ENOX1: variants seen among roughly 807,000 people sequenced by gnomAD.
ENOX1 encodes ecto-NOX disulfide-thiol exchanger 1, also known as candidate growth-related and time keeping constitutive hydroquinone (NADH) oxidase.
In ENOX1, 42 loss-of-function variants were observed where a neutral mutation model predicts 82.5. The observed-to-expected ratio is 0.51, with a 90% confidence interval of 0.40 to 0.66. ENOX1 has a LOEUF of 0.66. ENOX1 is among the 30% of genes least tolerant of loss of function. The pLI, the probability that ENOX1 is intolerant of heterozygous loss-of-function variation, is 0.00. For missense variants in ENOX1, 608 were observed against 811.6 expected, an observed-to-expected ratio of 0.75 and a Z score of 3.05; for synonymous variants, 271 against 282.2, an observed-to-expected ratio of 0.96 and a Z score of 0.40.
intron 5 of ENOX1, among the ~76,000 whole-genome samples, chr13:43,385,724 CACATTCGTTTAT>C (rs2052367666): frequency 6.6e-6 from 1 of 152,084 alleles, no homozygotes; most frequent in East Asian, 1.9e-4. Context: ...TAGGATTAAA[CACATTCGTTTAT>C]ACATTTGTAG....
chr13:43,661,059 T>C (rs542739410), intron 2 of ENOX1, among the ~76,000 whole-genome samples: 22 of 152,336 alleles, frequency 1.4e-4, no homozygotes, highest in African/African-American at 5.3e-4. Context: ...TTTTTCGTGA[T>C]GTTCAGGTTT....
chr13:43,721,213 T>C (rs1479554336), intron 1 of ENOX1, among the ~76,000 whole-genome samples: 3 of 152,118 alleles, frequency 2.0e-5, no homozygotes, highest in Non-Finnish European at 4.4e-5. Context: ...CCCTTATACT[T>C]ACATTTAAAA....
At chr13:43,535,913 C>T (rs1189567052) in intron 2 of ENOX1, among the ~76,000 whole-genome samples, 1 of 152,152 alleles carries the variant, frequency 6.6e-6, no homozygotes, top group Non-Finnish European at 1.5e-5. Flanking sequence ...GTAAGAATGA[C>T]TGCAGCGTCA....
At chr13:43,227,161 C>T (rs1052983259) in intron 15 of ENOX1, among the ~76,000 whole-genome samples, 13 of 152,014 alleles carry the variant, frequency 8.6e-5, no homozygotes, top group African/African-American at 3.1e-4. Flanking sequence ...TAACCCTTAG[C>T]CTAGGAGACG....
At chr13:43,243,173 C>T (rs1460157193) in intron 14 of ENOX1, among the ~76,000 whole-genome samples, 2 of 150,788 alleles carry the variant, frequency 1.3e-5, no homozygotes, top group African/African-American at 2.4e-5. Context: ...GAGTCCAGGT[C>T]CTTCCTAATG....
chr13:43,556,478 C>T (rs2079441616), intron 2 of ENOX1, among the ~76,000 whole-genome samples: 1 of 151,898 alleles, frequency 6.6e-6, no homozygotes, highest in Non-Finnish European at 1.5e-5. Flanking sequence ...AATTACTCTA[C>T]TGTAGATCTC....
intron 14 of ENOX1, among the ~76,000 whole-genome samples, chr13:43,240,024 T>G (rs1366430618): frequency 6.6e-6 from 1 of 152,008 alleles, no homozygotes; most frequent in African/African-American, 2.4e-5. Flanking sequence ...CCCTCTCTCT[T>G]TGTTTTTATT....
chr13:43,491,428 C>A (rs964914804), intron 2 of ENOX1, among the ~76,000 whole-genome samples: 4 of 152,114 alleles, frequency 2.6e-5, no homozygotes, highest in African/African-American at 7.2e-5. Flanking sequence ...CTGAAAAGAG[C>A]CCAAAATGGG....
chr13:43,396,574 T>C (rs527545755), intron 5 of ENOX1, among the ~76,000 whole-genome samples: 8 of 152,074 alleles, frequency 5.3e-5, no homozygotes, highest in African/African-American at 1.9e-4. Context: ...AGAGACACGG[T>C]TTCACCATGT....
At chr13:43,567,892 T>C (rs1446080605) in intron 2 of ENOX1, among the ~76,000 whole-genome samples, 2 of 152,212 alleles carry the variant, frequency 1.3e-5, no homozygotes, top group Non-Finnish European at 1.5e-5. Context: ...TTGTTTACAA[T>C]AAATTTTGTG....
At chr13:43,394,955 C>T (rs2053048021) in intron 5 of ENOX1, 1 of 152,160 alleles carries the variant, frequency 6.6e-6, no homozygotes, top group Non-Finnish European at 1.5e-5. Flanking sequence ...TTGGTGTTGG[C>T]TCCTTGGAGT....
chr13:43,257,229 T>C (rs1444626), intron 14 of ENOX1, among the ~76,000 whole-genome samples: 90,075 of 151,936 alleles, frequency 0.59, 27,380 homozygotes, highest in East Asian at 0.79. Context: ...GTGTGATAGT[T>C]CAGTAGGTTG....
At chr13:43,774,352 T>C (rs1483579010) in intron 1 of ENOX1, among the ~76,000 whole-genome samples, 2 of 152,218 alleles carry the variant, frequency 1.3e-5, no homozygotes, top group African/African-American at 4.8e-5. Context: ...ATAAGGGCTC[T>C]GGACTTAGTC....
intron 5 of ENOX1, among the ~76,000 whole-genome samples, chr13:43,396,890 G>A (rs2053188192): frequency 6.6e-6 from 1 of 152,186 alleles, no homozygotes; most frequent in Non-Finnish European, 1.5e-5. Context: ...TGACAGCTAG[G>A]CACCACAAGG....
Position 43,350,711 on chromosome 13 carries a change from C to T in ENOX1, c.823+5208G>A, listed in dbSNP as rs568883700. 1.6e-4 allele frequency among the ~76,000 whole-genome samples: 24 copies of T among 152,334 alleles called. No individual in the cohort carries two copies. In the South Asian group the frequency reaches 4.8e-3, roughly 30 times the overall value. ...CCACCCATCTCGGCCTCCCAAAGGG[C>T]TAGGATTACAGGCGTGAGCCACTAC... is the stretch of plus-strand genomic sequence containing the variant. On this transcript the variant is annotated intron_variant, in intron 8 of 16. Transcript: ENST00000690772.
chr13:43,486,181 G>A (rs2076408488), intron 2 of ENOX1, among the ~76,000 whole-genome samples: 1 of 152,190 alleles, frequency 6.6e-6, no homozygotes, highest in Non-Finnish European at 1.5e-5. Flanking sequence ...CTGCATTCCA[G>A]CCTGGGTGAC....
chr13:43,360,575 T>C (rs932743697), intron 6 of ENOX1, among the ~76,000 whole-genome samples: 2 of 152,132 alleles, frequency 1.3e-5, no homozygotes, highest in African/African-American at 4.8e-5. Flanking sequence ...ATGAGCAAAC[T>C]ATTAAATTTT....
At chr13:43,454,841 A>ATT (rs3044064) in intron 3 of ENOX1, among the ~76,000 whole-genome samples, 10 of 143,072 alleles carry the variant, frequency 7.0e-5, no homozygotes, top group Admixed American at 1.4e-4. Flanking sequence ...TATTGAAACC[A>ATT]TTTTTTTTTT....
intron 2 of ENOX1, among the ~76,000 whole-genome samples, chr13:43,657,831 A>G (rs1343282672): frequency 6.6e-6 from 1 of 152,224 alleles, no homozygotes; most frequent in African/African-American, 2.4e-5. Flanking sequence ...ACAGTTTATA[A>G]ATTCGGGCCT....
Sources: allele counts gnomAD v4.1 joint callset (sites outside exome capture counted in the v4.1 genomes callset), GRCh38; gene constraint gnomAD v4.1.1; transcripts MANE v1.5; gene names NCBI Gene and HGNC (gene_info 2026-07-23, HGNC 2026-07-21).